Variants in SPINK5 observed in about 807,000 individuals in gnomAD.
SPINK5 encodes serine peptidase inhibitor Kazal type 5.
SPINK5 carries 125 observed loss-of-function variants against 151.8 expected under a neutral mutation model. The ratio of observed to expected loss-of-function variants is 0.82; its 90% CI spans 0.71 to 0.96. The LOEUF is 0.96. SPINK5 is among the 40% of genes least tolerant of loss of function. The probability of loss-of-function intolerance (pLI) is 0.00; values close to 1 mark genes in which losing one functional copy is unlikely to be tolerated. For synonymous variants in SPINK5, 374 were observed against 395.3 expected (o/e 0.95, Z 0.64); for missense variants, 1,194 against 1,291.9 (o/e 0.92, Z 1.16).
chr5:148,122,748 G>T (rs12521767), intron 26 of SPINK5, among the ~76,000 whole-genome samples: 85,096 of 151,682 alleles, frequency 0.56, 24,556 homozygotes, highest in Admixed American at 0.65. Context: ...TTATTTAATA[G>T]CTCTGAGATT....
intron 17 of SPINK5, among the ~76,000 whole-genome samples, chr5:148,107,409 C>A (rs956941312): frequency 6.6e-6 from 1 of 151,448 alleles, no homozygotes; most frequent in Non-Finnish European, 1.5e-5. Flanking sequence ...TTTTTTAACA[C>A]TTGATAATCT....
At chr5:148,125,357 A>G (rs1318642130) in intron 28 of SPINK5, among the ~76,000 whole-genome samples, 2 of 152,184 alleles carry the variant, frequency 1.3e-5, no homozygotes, top group African/African-American at 2.4e-5. Flanking sequence ...TCTTTATTCA[A>G]TTCTTTAACA....
At chr5:148,133,937 GGGTTCT>G (rs1245423341) in intron 32 of SPINK5, 50 bp downstream of exon 32, 1 of 1,592,986 alleles carries the variant, frequency 6.3e-7, no homozygotes, top group African/African-American at 1.3e-5. Flanking sequence ...GAGGAGCACT[GGGTTCT>G]GGTTTTGTTC....
Position 148,067,624 on chromosome 5 carries a change from T to G in SPINK5, c.81+2252T>G, listed in dbSNP as rs182277701. On this transcript the variant is annotated intron_variant, in intron 2 of 32. Coordinates refer to ENST00000256084, the MANE Select transcript of SPINK5 (RefSeq NM_006846.4). ...AGAAAAATAGCATTGAATCTCATCT[T>G]AACTAATTAATCACTGTGAACAAAT... Among the ~76,000 whole-genome samples the G allele has an allele frequency of 3.7e-3, 559 of 152,318 alleles. 7 individuals carry two copies. The highest frequency in any genetic ancestry group is 0.013 in the African/African-American group (534 of 41,590).
At chr5:148,073,814 TCA>T (rs67549762) in intron 4 of SPINK5, among the ~76,000 whole-genome samples, 30,793 of 113,406 alleles carry the variant, frequency 0.27, 4,402 homozygotes, top group Non-Finnish European at 0.33. Flanking sequence ...TATGCCTGAG[TCA>T]CACACACACA....
intron 18 of SPINK5, among the ~76,000 whole-genome samples, chr5:148,109,930 A>G (rs1009218062): frequency 2.0e-5 from 3 of 152,120 alleles, no homozygotes. Flanking sequence ...CTATTATTCT[A>G]CATTGTTCTC....
At chr5:148,125,016 C>CT (rs1754395081) in intron 28 of SPINK5, 179 bp downstream of exon 28, 1 of 905,934 alleles carries the variant, frequency 1.1e-6, no homozygotes, top group Admixed American at 3.9e-5. Flanking sequence ...GGTTTGATAC[C>CT]TTTTTTGATT....
In SPINK5 at chr5:148,107,135, A is replaced by G. The variant is rs1753804340; in HGVS notation, c.1578A>G (p.Gly526=). The G allele has an allele frequency of 6.2e-7, 1 of 1,612,882 alleles. No homozygotes were observed. The highest frequency in any genetic ancestry group is 2.2e-5 in the East Asian group (1 of 44,824). The part of the protein sequence containing the change: ...PVRGPDGKMH[G]NKCAMCASVF... ...GTGGCCCAGATGGCAAAATGCATGG[A>G]AACAAGTGTGCCATGTGTGCCAGTG... The change falls in exon 17 of 33, where the codon GGA becomes GGG. Residue 526 remains glycine, a synonymous_variant. Coordinates refer to ENST00000256084, the MANE Select transcript of SPINK5 (RefSeq NM_006846.4).
At chr5:148,136,920 A>T in intron 32 of SPINK5, 63 bp from the exon 33 acceptor site, 1 of 1,595,692 alleles carries the variant, frequency 6.3e-7, no homozygotes, top group South Asian at 1.1e-5. Context: ...CTATAAATAT[A>T]CAGCCCACAT....
rs561649208 is a variant in SPINK5 at position 148,119,235 on chromosome 5, C to T, written c.2313+177C>T. Among the ~76,000 whole-genome samples, 4 of 152,196 alleles carry T rather than the reference C, an allele frequency of 2.6e-5. No individual in the cohort carries two copies. In the East Asian group the frequency reaches 7.8e-4, roughly 29 times the overall value. On this transcript the variant is annotated intron_variant, in intron 24 of 32. Transcript: ENST00000256084. Reference sequence around the variant, plus strand: ...ACTTGTTCAGTGAAGAAACCTAATGCCAAGTGGACATCTTTAAGTCTGACA... The same window carrying T: ...ACTTGTTCAGTGAAGAAACCTAATGTCAAGTGGACATCTTTAAGTCTGACA...
chr5:148,129,627 C>A (rs1754525643), intron 30 of SPINK5, among the ~76,000 whole-genome samples: 1 of 152,154 alleles, frequency 6.6e-6, no homozygotes, highest in Non-Finnish European at 1.5e-5. Flanking sequence ...GCCAGGGTTT[C>A]ATATAAGTTA....
chr5:148,072,996 T>C (rs1248863406), intron 4 of SPINK5, among the ~76,000 whole-genome samples: 1 of 151,832 alleles, frequency 6.6e-6, no homozygotes, highest in Non-Finnish European at 1.5e-5. Flanking sequence ...TTAAAATCTT[T>C]ACAAAATTAT....
At chr5:148,089,729 T>C in intron 7 of SPINK5, 108 bp downstream of exon 7, 2 of 1,519,218 alleles carry the variant, frequency 1.3e-6, no homozygotes, top group Non-Finnish European at 1.8e-6. Context: ...TGCAATTCTT[T>C]GTCTTTACAC....
intron 4 of SPINK5, among the ~76,000 whole-genome samples, chr5:148,074,777 T>A (rs1486026644): frequency 2.1e-4 from 32 of 151,780 alleles, no homozygotes; most frequent in Non-Finnish European, 1.5e-5. Flanking sequence ...CTCATGAGCA[T>A]AGAATAGTTT....
chr5:148,080,789 A>T (rs1331681322), intron 4 of SPINK5, among the ~76,000 whole-genome samples: 1 of 151,526 alleles, frequency 6.6e-6, no homozygotes, highest in African/African-American at 2.4e-5. Context: ...CAAAATTAAT[A>T]AACTGAAATT....
rs1193698148 is a variant in SPINK5 at position 148,089,555 on chromosome 5, A to G, written c.536A>G (p.Asn179Ser). The G allele has an allele frequency of 1.2e-6, 2 of 1,612,220 alleles. No individual in the cohort carries two copies. The highest frequency in any genetic ancestry group is 1.7e-6 in the Non-Finnish European group (2 of 1,178,818). ...RDGRLGCTRE[N>S]DPVLGPDGKT... ...GGAAGACTTGGATGCACAAGGGAAA[A>G]TGATCCTGTTCTTGGTCCTGATGGG... Residue 179 changes from asparagine (N) to serine (S), a missense_variant, in exon 7 of 33, where the codon AAT (asparagine) becomes AGT (serine). Physicochemically the swap from Asn to Ser is conservative, Grantham distance 46. Coordinates refer to ENST00000256084, the MANE Select transcript of SPINK5 (RefSeq NM_006846.4).
intron 30 of SPINK5, among the ~76,000 whole-genome samples, chr5:148,127,412 G>T (rs1754458069): frequency 6.6e-6 from 1 of 152,034 alleles, no homozygotes. Context: ...CATACCTCTT[G>T]GTATTCTTAG....
At chr5:148,090,977 C>A (rs2113074997) in intron 7 of SPINK5, 188 bp from the exon 8 acceptor site, 1 of 591,506 alleles carries the variant, frequency 1.7e-6, no homozygotes, top group East Asian at 2.8e-5. Flanking sequence ...CTATTGCCGT[C>A]TTTCTTTCTT....
At chr5:148,118,300 A>C in intron 22 of SPINK5, 137 bp from the exon 23 acceptor site, 12 of 1,310,592 alleles carry the variant, frequency 9.2e-6, no homozygotes, top group Non-Finnish European at 1.3e-5. Context: ...TACAGGCATG[A>C]GCCACCGTAC....
Sources: allele counts gnomAD v4.1 joint callset (sites outside exome capture counted in the v4.1 genomes callset), GRCh38; gene constraint gnomAD v4.1.1; transcripts MANE v1.5; gene names NCBI Gene and HGNC (gene_info 2026-07-23, HGNC 2026-07-21).